PTPN14: variants seen among roughly 807,000 people sequenced by gnomAD.
PTPN14 encodes the protein protein tyrosine phosphatase non-receptor type 14, also known as tyrosine-protein phosphatase non-receptor type 14.
A neutral mutation model predicts 126.8 loss-of-function variants in PTPN14; 53 were observed. The observed-to-expected ratio is 0.42, with a 90% CI of 0.34 to 0.53. PTPN14 has a LOEUF of 0.53. Among genes scored for constraint, PTPN14 ranks in the 20% least tolerant of loss-of-function variants. PTPN14 has a pLI of 0.08. For synonymous variants in PTPN14, 630 were observed against 599.3 expected, an observed-to-expected ratio of 1.05 and a Z score of -0.75; for missense variants, 1,257 against 1,552.9, an observed-to-expected ratio of 0.81 and a Z score of 3.20.
intron 8 of PTPN14, 124 bp downstream of exon 8, chr1:214,397,789 G>A: frequency 1.4e-6 from 1 of 740,346 alleles, no homozygotes; most frequent in Non-Finnish European, 2.2e-6. Context: ...CACCTTATAT[G>A]AGCTGAGAGA....
chr1:214,438,037 G>A (rs894778697), intron 3 of PTPN14, among the ~76,000 whole-genome samples: 7 of 152,178 alleles, frequency 4.6e-5, no homozygotes, highest in Non-Finnish European at 1.0e-4. Flanking sequence ...AGAACCAACA[G>A]GCTCCCAATG....
intron 1 of PTPN14, among the ~76,000 whole-genome samples, chr1:214,505,644 C>T (rs1654822861): frequency 6.6e-6 from 1 of 152,118 alleles, no homozygotes; most frequent in Non-Finnish European, 1.5e-5. Flanking sequence ...GCCTGTAACC[C>T]CAAAACTTTG....
At chr1:214,401,469 T>C (rs1431412655) in intron 7 of PTPN14, among the ~76,000 whole-genome samples, 1 of 152,210 alleles carries the variant, frequency 6.6e-6, no homozygotes, top group Non-Finnish European at 1.5e-5. Context: ...AGATGGACTG[T>C]CTTATTGAAC....
chr1:214,518,475 T>C (rs1180558893), intron 1 of PTPN14, among the ~76,000 whole-genome samples: 2 of 152,254 alleles, frequency 1.3e-5, no homozygotes, highest in Non-Finnish European at 2.9e-5. Context: ...GGCTTTTGTC[T>C]TGAATAGTAT....
intron 1 of PTPN14, among the ~76,000 whole-genome samples, chr1:214,550,939 A>T (rs1431204203): frequency 2.6e-5 from 4 of 152,320 alleles, no homozygotes; most frequent in Middle Eastern, 3.4e-3. Context: ...CAAACTCCCC[A>T]GACTGCGCTC....
intron 3 of PTPN14, among the ~76,000 whole-genome samples, chr1:214,415,103 GAATGCATTCTAGAA>G (rs1404497989): frequency 6.6e-6 from 1 of 152,208 alleles, no homozygotes; most frequent in African/African-American, 2.4e-5. Flanking sequence ...GTGCGTTCCT[GAATGCATTCTAGAA>G]ACACATCACC....
intron 3 of PTPN14, among the ~76,000 whole-genome samples, chr1:214,415,828 T>C (rs971037800): frequency 3.3e-5 from 5 of 152,114 alleles, no homozygotes; most frequent in Non-Finnish European, 7.4e-5. Flanking sequence ...CACTCTTTGG[T>C]GGGAAAAACC....
chr1:214,517,292 T>C (rs967701297), intron 1 of PTPN14, among the ~76,000 whole-genome samples: 4 of 152,134 alleles, frequency 2.6e-5, no homozygotes, highest in African/African-American at 9.7e-5. Flanking sequence ...ATGCATGATA[T>C]GTCTTCCTTT....
chr1:214,379,683 T>C (rs60331477), intron 13 of PTPN14, among the ~76,000 whole-genome samples: 5,946 of 152,292 alleles, frequency 0.039, 230 homozygotes, highest in African/African-American at 0.1. Flanking sequence ...ATTGCCTCCT[T>C]TGGAGAGGCT....
chr1:214,448,031 C>T (rs767261723), intron 3 of PTPN14, among the ~76,000 whole-genome samples: 1 of 152,198 alleles, frequency 6.6e-6, no homozygotes, highest in Non-Finnish European at 1.5e-5. Flanking sequence ...ACCACCACTA[C>T]CAAAACTTTT....
At chr1:214,457,440 A>G (rs4375234) in intron 2 of PTPN14, among the ~76,000 whole-genome samples, 39,713 of 152,110 alleles carry the variant, frequency 0.26, 7,086 homozygotes, top group African/African-American at 0.51. Flanking sequence ...GCAGTTCTCT[A>G]CCTCAAATAG....
Position 214,414,669 on chromosome 1 carries a change from T to C in PTPN14, c.402A>G (p.Thr134=), listed in dbSNP as rs17022856. The change falls in exon 4 of 19, where the codon ACA becomes ACG. Residue 134 remains threonine (T), a synonymous_variant. Coordinates refer to ENST00000366956, the MANE Select transcript of PTPN14 (RefSeq NM_005401.5). ...KDVLEGRLRC[T]LDQVIRLAGL... ...CGGCTAGCCGAATCACCTGGTCCAATGTACATCGTAATCGCCCTTCAAGCA... is the reference window on the plus strand; with the variant it reads ...CGGCTAGCCGAATCACCTGGTCCAACGTACATCGTAATCGCCCTTCAAGCA... 3,766 of 1,614,096 alleles carry C rather than the reference T, an allele frequency of 2.3e-3. 82 individuals carry two copies. The African/African-American group carries it at 0.043, about 18-fold the overall frequency.
chr1:214,417,436 A>G (rs1346196500), intron 3 of PTPN14, among the ~76,000 whole-genome samples: 9 of 152,194 alleles, frequency 5.9e-5, no homozygotes, highest in Admixed American at 5.2e-4. Flanking sequence ...TGGTAAGAAA[A>G]TAAGTGACTT....
At chr1:214,540,258 A>G (rs1319169179) in intron 1 of PTPN14, among the ~76,000 whole-genome samples, 3 of 152,178 alleles carry the variant, frequency 2.0e-5, no homozygotes, top group African/African-American at 7.2e-5. Context: ...TGTGTCAAAA[A>G]ATGTGTACCT....
chr1:214,417,474 T>C (rs1395773864), intron 3 of PTPN14, among the ~76,000 whole-genome samples: 2 of 152,128 alleles, frequency 1.3e-5, no homozygotes, highest in Non-Finnish European at 1.5e-5. Context: ...CCATAGGAGT[T>C]TGAAAAATCA....
chr1:214,381,283 T>C lies in PTPN14; in HGVS notation c.2544+2028A>G, dbSNP rs974255364. On this transcript the variant is annotated intron_variant, in intron 13 of 18. Coordinates refer to ENST00000366956, the MANE Select transcript of PTPN14 (RefSeq NM_005401.5). ...TTAAGTATCAAGTTGGCAGGGGAAATAGCTAAATTAAATGCTTAGACTGAT... is the reference window on the plus strand; with the variant it reads ...TTAAGTATCAAGTTGGCAGGGGAAACAGCTAAATTAAATGCTTAGACTGAT... 2.6e-5 allele frequency among the ~76,000 whole-genome samples: 4 copies of C among 152,164 alleles called. 1 individual carries two copies. Among genetic ancestry groups the C allele is most frequent in the African/African-American group, 4.8e-5 (2 of 41,438 alleles).
At chr1:214,493,164 G>A (rs1661288099) in intron 1 of PTPN14, among the ~76,000 whole-genome samples, 1 of 152,186 alleles carries the variant, frequency 6.6e-6, no homozygotes, top group Non-Finnish European at 1.5e-5. Flanking sequence ...CTGGGTGCGA[G>A]GAAGCCTCAG....
At chr1:214,479,696 C>T (rs1262049972) in intron 1 of PTPN14, among the ~76,000 whole-genome samples, 2 of 152,044 alleles carry the variant, frequency 1.3e-5, no homozygotes, top group African/African-American at 2.4e-5. Context: ...CAGCTTATGT[C>T]CTGAAATTTA....
rs146338991 is a variant in PTPN14, at chr1:214,514,634, G to A, written c.-155+36549C>T. On this transcript the variant is annotated intron_variant, in intron 1 of 18. Transcript: ENST00000366956. ...AGTTTTAATGTGCTCCCGGGCAGGC[G>A]GGCGGGGCTGACTCAGGCAGTCCCC... Among the ~76,000 whole-genome samples, 525 of 152,186 alleles carry A rather than the reference G, an allele frequency of 3.4e-3. 7 individuals carry two copies. The highest frequency in any genetic ancestry group is 0.016 in the South Asian group (76 of 4,814).
Sources: allele counts gnomAD v4.1 joint callset (sites outside exome capture counted in the v4.1 genomes callset), GRCh38; gene constraint gnomAD v4.1.1; transcripts MANE v1.5; gene names NCBI Gene and HGNC (gene_info 2026-07-23, HGNC 2026-07-21).